The following TMEM132B variants were observed in gnomAD, a reference collection of about 807,000 sequenced individuals.
TMEM132B encodes transmembrane protein 132B.
Under a neutral mutation model 90.8 loss-of-function variants are expected in TMEM132B, and 18 were observed. The ratio of observed to expected loss-of-function variants is 0.20; its 90% CI spans 0.14 to 0.29. The LOEUF is 0.29. Ranked by LOEUF, TMEM132B falls within the 10% of genes least tolerant of loss-of-function variation. TMEM132B has a pLI of 1.00. For missense variants in TMEM132B, 1,096 were observed against 1,326.8 expected (o/e 0.83, Z 2.70); for synonymous variants, 504 against 523.3 (o/e 0.96, Z 0.50).
At chr12:125,220,680 G>C (rs61943062) in intron 1 of TMEM132B, among the ~76,000 whole-genome samples, 9,822 of 152,302 alleles carry the variant, frequency 0.064, 492 homozygotes, top group Middle Eastern at 0.099. Context: ...TCAATCAGCA[G>C]GTCCTGGGGC....
At chr12:125,190,294 T>C (rs1218354154) in intron 1 of TMEM132B, among the ~76,000 whole-genome samples, 2 of 152,088 alleles carry the variant, frequency 1.3e-5, no homozygotes, top group Non-Finnish European at 2.9e-5. Flanking sequence ...CCCAAGGTCA[T>C]GAGAATGACA....
rs143163490 is a variant in TMEM132B, at chr12:125,509,987, G to T, written c.1107-9452G>T. 2.1e-3 allele frequency among the ~76,000 whole-genome samples: 322 copies of T among 152,328 alleles called. 2 individuals carry two copies. Among genetic ancestry groups the T allele is most frequent in the East Asian group, 0.02 (103 of 5,186 alleles). On this transcript the variant is annotated intron_variant, in intron 3 of 8. Coordinates refer to ENST00000682704, the MANE Select transcript of TMEM132B (RefSeq NM_001366854.1). ...TTTATGTAACAAGCGTTTTCCTCCA[G>T]GTTGGTAATAGAAAGAAACAGAGAC...
chr12:125,618,864 C>A (rs1360866781), intron 5 of TMEM132B, among the ~76,000 whole-genome samples: 8 of 152,104 alleles, frequency 5.3e-5, no homozygotes. Context: ...TTGGTAACCA[C>A]TGAAGAAACA....
intron 5 of TMEM132B, among the ~76,000 whole-genome samples, chr12:125,634,337 C>A (rs992854435): frequency 3.3e-5 from 5 of 152,234 alleles, no homozygotes; most frequent in Admixed American, 1.3e-4. Flanking sequence ...GGGCTCCCCT[C>A]TGGCCCAAAG....
At chr12:125,360,780 C>T (rs57355983) in intron 2 of TMEM132B, among the ~76,000 whole-genome samples, 1,886 of 149,796 alleles carry the variant, frequency 0.013, 44 homozygotes, top group African/African-American at 0.043. Context: ...AAATAGGAGA[C>T]GGTGTGTGGG....
At chr12:125,530,902 G>A (rs1007902714) in intron 4 of TMEM132B, among the ~76,000 whole-genome samples, 6 of 152,202 alleles carry the variant, frequency 3.9e-5, no homozygotes, top group Non-Finnish European at 7.3e-5. Flanking sequence ...TGAATTTTAG[G>A]GGGACACTAG....
At position 125,657,386 on chromosome 12, in the gene TMEM132B, A is replaced by G. The variant is rs1454182772; in HGVS notation, c.*2676A>G. 6.6e-6 allele frequency: 1 copy of G among 151,912 alleles called. No individual in the cohort carries two copies. The highest frequency in any genetic ancestry group is 1.5e-5 in the Non-Finnish European group (1 of 68,060). 9.4% of individuals were successfully genotyped at this position (151,912 alleles called of 1,614,324 possible). A position where few individuals can be genotyped will look rare whatever the true frequency, so the allele number is the denominator to read the frequency against. On this transcript the variant is annotated 3_prime_UTR_variant, in exon 9 of 9. Coordinates refer to ENST00000682704, the MANE Select transcript of TMEM132B (RefSeq NM_001366854.1). ...GTGTGTGTGAATACTGAAGAGCCAG[A>G]CAACAAACTATTTAGTAAGAATCAA...
chr12:125,592,514 G>A (rs1885338737), intron 5 of TMEM132B, among the ~76,000 whole-genome samples: 1 of 152,100 alleles, frequency 6.6e-6, no homozygotes. Flanking sequence ...TCTGTGAGGG[G>A]TAAGGTAAGG....
At chr12:125,479,408 T>C (rs1881979417) in intron 3 of TMEM132B, among the ~76,000 whole-genome samples, 1 of 152,092 alleles carries the variant, frequency 6.6e-6, no homozygotes, top group Non-Finnish European at 1.5e-5. Flanking sequence ...AATAAAGGGA[T>C]GGAGGAAGAT....
chr12:125,274,159 C>T (rs1274383246), intron 1 of TMEM132B, among the ~76,000 whole-genome samples: 14 of 152,080 alleles, frequency 9.2e-5, no homozygotes, highest in African/African-American at 4.8e-5. Flanking sequence ...CCTTTGGTGC[C>T]GCCCCTCTTT....
intron 5 of TMEM132B, among the ~76,000 whole-genome samples, chr12:125,604,541 C>T (rs1885645511): frequency 6.6e-6 from 1 of 152,178 alleles, no homozygotes; most frequent in South Asian, 2.1e-4. Context: ...TGCAGCAAAG[C>T]ACCATGGCAC....
intron 1 of TMEM132B, among the ~76,000 whole-genome samples, chr12:125,223,614 T>C (rs78424936): frequency 0.074 from 11,197 of 152,188 alleles, 545 homozygotes; most frequent in African/African-American, 0.13. Context: ...TCCAGAACAT[T>C]TTCATCAGCC....
chr12:125,636,027 G>C (rs1162082440), intron 5 of TMEM132B, among the ~76,000 whole-genome samples: 1 of 152,162 alleles, frequency 6.6e-6, no homozygotes, highest in Non-Finnish European at 1.5e-5. Flanking sequence ...CTGGGAGTGG[G>C]TGTGGGTGGT....
intron 1 of TMEM132B, among the ~76,000 whole-genome samples, chr12:125,335,766 C>T (rs1428997917): frequency 6.6e-6 from 1 of 152,142 alleles, no homozygotes; most frequent in Non-Finnish European, 1.5e-5. Context: ...GTGAGAGGAT[C>T]ACTTGAGATC....
At chr12:125,192,507 C>G (rs1379396516) in intron 1 of TMEM132B, among the ~76,000 whole-genome samples, 1 of 152,180 alleles carries the variant, frequency 6.6e-6, no homozygotes, top group Non-Finnish European at 1.5e-5. Context: ...GAAATGAGGT[C>G]TTGCTCTGTT....
At chr12:125,569,052 T>C (rs1245803328) in intron 4 of TMEM132B, among the ~76,000 whole-genome samples, 3 of 152,142 alleles carry the variant, frequency 2.0e-5, no homozygotes, top group African/African-American at 7.2e-5. Flanking sequence ...GAGGCTCAGT[T>C]TCCTCTTCTG....
chr12:125,451,818 T>G (rs1881159340), intron 3 of TMEM132B, among the ~76,000 whole-genome samples: 1 of 152,256 alleles, frequency 6.6e-6, no homozygotes, highest in African/African-American at 2.4e-5. Context: ...AGTTTACTTT[T>G]GCATGTGCCC....
chr12:125,522,592 C>T (rs1220709825), intron 4 of TMEM132B, among the ~76,000 whole-genome samples: 1 of 152,210 alleles, frequency 6.6e-6, no homozygotes, highest in Non-Finnish European at 1.5e-5. Context: ...GGGAATCTGT[C>T]CTCTGTAGTG....
chr12:125,477,687 T>C (rs1371393045), intron 3 of TMEM132B, among the ~76,000 whole-genome samples: 2 of 152,170 alleles, frequency 1.3e-5, no homozygotes, highest in Non-Finnish European at 2.9e-5. Flanking sequence ...TTGCTTCCTT[T>C]TAAAGTGTAG....
Sources: allele counts gnomAD v4.1 joint callset (sites outside exome capture counted in the v4.1 genomes callset), GRCh38; gene constraint gnomAD v4.1.1; transcripts MANE v1.5; gene names NCBI Gene and HGNC (gene_info 2026-07-23, HGNC 2026-07-21).